The following GSAP variants were observed in gnomAD, a reference collection of about 807,000 sequenced individuals.
The protein encoded by GSAP is gamma-secretase-activating protein.
A neutral mutation model predicts 131.7 loss-of-function variants in GSAP; 118 were observed. The observed-to-expected ratio is 0.90, with a 90% confidence interval of 0.77 to 1.04. The LOEUF (loss-of-function observed/expected upper bound fraction) is 1.04, where lower values mean the gene tolerates loss of function less well. Among genes scored for constraint, GSAP ranks in the 50% least tolerant of loss-of-function variants. GSAP has a pLI of 0.00. For missense variants in GSAP, 1,019 were observed against 1,013.2 expected, an observed-to-expected ratio of 1.01 and a Z score of -0.08; for synonymous variants, 381 against 363.4, an observed-to-expected ratio of 1.05 and a Z score of -0.55.
At chr7:77,399,259 A>T (rs1165151705) in intron 3 of GSAP, among the ~76,000 whole-genome samples, 1 of 152,174 alleles carries the variant, frequency 6.6e-6, no homozygotes, top group East Asian at 1.9e-4. Context: ...TGGCTCATGA[A>T]ATTGAACAGA....
intron 12 of GSAP, among the ~76,000 whole-genome samples, chr7:77,368,868 A>G (rs757698957): frequency 1.3e-5 from 2 of 152,240 alleles, no homozygotes; most frequent in African/African-American, 2.4e-5. Context: ...GTGTTATTCC[A>G]TAACAGTCTT....
intron 5 of GSAP, among the ~76,000 whole-genome samples, chr7:77,396,753 C>G (rs1292849623): frequency 6.6e-6 from 1 of 152,036 alleles, no homozygotes. Context: ...TAATTACCAT[C>G]TTAATACTTC....
chr7:77,347,395 G>A (rs1225152022), intron 19 of GSAP, among the ~76,000 whole-genome samples: 1 of 152,114 alleles, frequency 6.6e-6, no homozygotes, highest in African/African-American at 2.4e-5. Flanking sequence ...ATCTGACACT[G>A]TCTCTAGGTA....
intron 13 of GSAP, among the ~76,000 whole-genome samples, chr7:77,362,347 C>T (rs1794655017): frequency 6.6e-6 from 1 of 152,086 alleles, no homozygotes. Context: ...ATTAGCTAGG[C>T]ATGATGGCAC....
At chr7:77,378,160 A>G (rs181720404) in intron 8 of GSAP, among the ~76,000 whole-genome samples, 9 of 152,308 alleles carry the variant, frequency 5.9e-5, no homozygotes, top group South Asian at 4.1e-4. Flanking sequence ...TCTAGCATGT[A>G]ACAGTGCTCA....
At chr7:77,393,248 CAAAAT>C (rs1353711982) in intron 5 of GSAP, among the ~76,000 whole-genome samples, 1 of 152,028 alleles carries the variant, frequency 6.6e-6, no homozygotes, top group African/African-American at 2.4e-5. Flanking sequence ...GATGGACAGA[CAAAAT>C]AAACGTTTCC....
intron 28 of GSAP, among the ~76,000 whole-genome samples, chr7:77,312,788 A>G (rs566717294): frequency 7.9e-5 from 12 of 152,372 alleles, no homozygotes; most frequent in African/African-American, 2.9e-4. Flanking sequence ...GTGAGAGGAC[A>G]GTGCCAGAGG....
chr7:77,393,643 A>G (rs1799916099), intron 5 of GSAP, among the ~76,000 whole-genome samples: 1 of 150,360 alleles, frequency 6.7e-6, no homozygotes, highest in Non-Finnish European at 1.5e-5. Flanking sequence ...ATCCGGCGGC[A>G]TGCATGCATA....
intron 26 of GSAP, among the ~76,000 whole-genome samples, chr7:77,320,399 C>T (rs1787471860): frequency 6.6e-6 from 1 of 152,188 alleles, no homozygotes; most frequent in African/African-American, 2.4e-5. Flanking sequence ...TGTTAATCTT[C>T]AGACATCTCA....
At chr7:77,384,976 T>C (rs1798349415) in intron 6 of GSAP, among the ~76,000 whole-genome samples, 1 of 151,984 alleles carries the variant, frequency 6.6e-6, no homozygotes, top group Non-Finnish European at 1.5e-5. Context: ...TTTTACTTTA[T>C]TTGGGTTGGG....
intron 3 of GSAP, among the ~76,000 whole-genome samples, chr7:77,401,886 T>G (rs1801379209): frequency 6.6e-6 from 1 of 152,230 alleles, no homozygotes; most frequent in African/African-American, 2.4e-5. Flanking sequence ...CCAATAGATC[T>G]TGTAGAAATG....
intron 1 of GSAP, chr7:77,415,664 G>A (rs1012549711): frequency 6.6e-6 from 1 of 152,192 alleles, no homozygotes; most frequent in African/African-American, 2.4e-5. Flanking sequence ...TCACCGCCGA[G>A]GCCCATGTCC....
intron 22 of GSAP, chr7:77,328,132 C>G (rs750688411): frequency 4.8e-5 from 38 of 791,340 alleles, no homozygotes; most frequent in Non-Finnish European, 5.5e-5. Context: ...AGCTCTCAAG[C>G]CTGTGCTCTT....
chr7:77,360,701 T>C (rs1020182613), intron 14 of GSAP, 123 bp downstream of exon 14: 8 of 605,902 alleles, frequency 1.3e-5, no homozygotes, highest in African/African-American at 1.9e-5. Context: ...AAGTGGGTCA[T>C]TGATTGTCAT....
chr7:77,378,990 G>A (rs1344273098), intron 8 of GSAP, among the ~76,000 whole-genome samples: 2 of 152,080 alleles, frequency 1.3e-5, no homozygotes, highest in Non-Finnish European at 2.9e-5. Context: ...AACTTGAGGG[G>A]GGCCATGTGG....
At chr7:77,322,013 C>T (rs1285501065) in intron 24 of GSAP, among the ~76,000 whole-genome samples, 1 of 152,170 alleles carries the variant, frequency 6.6e-6, no homozygotes. Context: ...AGAGCTTTAT[C>T]CAGAAACCCA....
Position 77,394,870 on chromosome 7 carries a change from A to T in GSAP, c.367+2112T>A, listed in dbSNP as rs372594368. ...GTGCCCTTGGCAGAAAGCAAGACAC[A>T]GGTAGGGCAGCTGAGGCAAGGCACT... On this transcript the variant is annotated intron_variant, in intron 5 of 30. Coordinates refer to ENST00000257626, the MANE Select transcript of GSAP (RefSeq NM_017439.4). Among the ~76,000 whole-genome samples, 32 of 152,338 alleles carry T rather than the reference A, an allele frequency of 2.1e-4. No individual in the cohort carries two copies. The South Asian group carries it at 6.4e-3, about 31-fold the overall frequency.
rs760803875 is a variant in GSAP, at chr7:77,404,557, A to C, written c.243+2T>G. The C allele has an allele frequency of 6.6e-7, 1 of 1,510,354 alleles. No individual in the cohort carries two copies. The highest frequency in any genetic ancestry group is 9.2e-7 in the Non-Finnish European group (1 of 1,088,084). 93.6% of individuals were successfully genotyped at this position (1,510,354 alleles called of 1,614,324 possible). A position where few individuals can be genotyped will look rare whatever the true frequency, so the allele number is the denominator to read the frequency against. On this transcript the variant is annotated splice_donor_variant, in intron 3 of 30. Coordinates refer to ENST00000257626, the MANE Select transcript of GSAP (RefSeq NM_017439.4). LOFTEE classifies it high-confidence loss of function. Reference sequence around the variant, plus strand: ...AACCAATGAGTAATCTATGATTTTTACCTCATTTTGTCTGGTTTGACAATC... The same window carrying C: ...AACCAATGAGTAATCTATGATTTTTCCCTCATTTTGTCTGGTTTGACAATC...
At position 77,320,810 on chromosome 7, in the gene GSAP, A is replaced by G; in HGVS notation, c.2004T>C (p.Arg668=). 6 of 1,603,038 alleles carry G rather than the reference A, an allele frequency of 3.7e-6. No individual in the cohort carries two copies. Among genetic ancestry groups the G allele is most frequent in the Non-Finnish European group, 5.1e-6 (6 of 1,170,028 alleles). The part of the protein sequence containing the change: ...LHSWVLHFNS[R]GSAAEFAVFH... ...AAACTGCAAATTCAGCAGCACTGCC[A>G]CGACTATTGCTGGGTAAAAAAAACA... The change falls in exon 26 of 31, where the codon CGT becomes CGC. Residue 668 remains arginine, a synonymous_variant. Coordinates refer to ENST00000257626, the MANE Select transcript of GSAP (RefSeq NM_017439.4).
Sources: gnomAD v4.1 joint callset for allele counts (sites outside exome capture counted in the v4.1 genomes callset) on GRCh38, gnomAD v4.1.1 for gene constraint, MANE v1.5 for transcripts, NCBI Gene and HGNC (gene_info 2026-07-23, HGNC 2026-07-21) for gene names.